The following DAB1 variants were observed in gnomAD, a reference collection of about 807,000 sequenced individuals.
DAB1 encodes DAB adaptor protein 1, also known as disabled homolog 1.
In DAB1, 15 loss-of-function variants were observed where a neutral mutation model predicts 64.6. The ratio of observed to expected loss-of-function variants is 0.23; its 90% CI spans 0.16 to 0.36. The LOEUF is 0.36. DAB1 is among the 10% of genes least tolerant of loss of function. The pLI is 1.00. For missense variants in DAB1, 596 were observed against 706.7 expected (o/e 0.84, Z 1.78); for synonymous variants, 235 against 251.9 (o/e 0.93, Z 0.64).
chr1:58,509,424 A>G (rs897098398), intron 2 of DAB1, among the ~76,000 whole-genome samples: 2 of 151,514 alleles, frequency 1.3e-5, no homozygotes, highest in Non-Finnish European at 2.9e-5. Flanking sequence ...AAAAAAAACC[A>G]AAAAGAAAAT....
intron 1 of DAB1, among the ~76,000 whole-genome samples, chr1:57,320,574 A>G (rs1345004227): frequency 2.0e-5 from 3 of 152,176 alleles, no homozygotes; most frequent in Non-Finnish European, 4.4e-5. Context: ...CAATGCATGG[A>G]TCTCTTGCTC....
At chr1:57,800,206 A>G (rs1212145724) in intron 6 of DAB1, among the ~76,000 whole-genome samples, 1 of 152,176 alleles carries the variant, frequency 6.6e-6, no homozygotes, top group Non-Finnish European at 1.5e-5. Flanking sequence ...GACCTTGATC[A>G]CTATGCATAC....
intron 6 of DAB1, among the ~76,000 whole-genome samples, chr1:57,738,116 T>A (rs779646588): frequency 1.4e-4 from 21 of 152,180 alleles, no homozygotes; most frequent in Admixed American, 2.6e-4. Context: ...CTGAACTGTG[T>A]TTAAATCCTG....
intron 1 of DAB1, chr1:58,533,988 C>T (rs1289398070): frequency 1.1e-6 from 1 of 870,950 alleles, no homozygotes; most frequent in Non-Finnish European, 2.0e-6. Flanking sequence ...ATTTCATGGC[C>T]CAGAAGGAAA....
chr1:58,129,915 GA>G (rs1232381625), intron 5 of DAB1, among the ~76,000 whole-genome samples: 3 of 144,268 alleles, frequency 2.1e-5, no homozygotes, highest in Non-Finnish European at 4.6e-5. Flanking sequence ...GTGTGGTGCT[GA>G]AAAAAATGTA....
chr1:58,224,961 C>A (rs535250887), intron 4 of DAB1, among the ~76,000 whole-genome samples: 1 of 151,200 alleles, frequency 6.6e-6, no homozygotes, highest in Non-Finnish European at 1.5e-5. Flanking sequence ...ATTGACAAAT[C>A]GGATCTAATT....
chr1:57,572,649 C>T (rs1171540153), intron 7 of DAB1, among the ~76,000 whole-genome samples: 1 of 152,062 alleles, frequency 6.6e-6, no homozygotes, highest in Non-Finnish European at 1.5e-5. Flanking sequence ...GGAGTTTTTA[C>T]ATAATTGTAT....
intron 5 of DAB1, among the ~76,000 whole-genome samples, chr1:57,968,706 A>T (rs1190972560): frequency 6.6e-6 from 1 of 152,192 alleles, no homozygotes; most frequent in Non-Finnish European, 1.5e-5. Context: ...GGGTTAGAAC[A>T]TAGCTACTAT....
rs542017948 is a variant in DAB1 at position 57,663,359 on chromosome 1, A to G, written n.552-13694T>C. Reference sequence around the variant, plus strand: ...TTTGACGTGAGATTTTGGCGGGGACACAAACCCAAACCACATCAGGTGGGT... The same window carrying G: ...TTTGACGTGAGATTTTGGCGGGGACGCAAACCCAAACCACATCAGGTGGGT... On this transcript the variant is annotated intron_variant and non_coding_transcript_variant, in intron 6 of 20. Transcript: ENST00000485760. Among the ~76,000 whole-genome samples, 3 of 152,322 alleles carry G rather than the reference A, an allele frequency of 2.0e-5. No individual in the cohort carries two copies. In the South Asian group the frequency reaches 6.2e-4, roughly 32 times the overall value.
chr1:57,151,854 C>A (rs1392627207), intron 2 of DAB1, among the ~76,000 whole-genome samples: 1 of 133,892 alleles, frequency 7.5e-6, no homozygotes, highest in Non-Finnish European at 1.5e-5. Flanking sequence ...CGCTCTATTG[C>A]CCAGGCTGGA....
At chr1:57,039,628 C>T (rs973961327) in intron 9 of DAB1, among the ~76,000 whole-genome samples, 1 of 152,208 alleles carries the variant, frequency 6.6e-6, no homozygotes, top group Admixed American at 6.5e-5. Context: ...CCCACCCTTT[C>T]TCCTTCCCAC....
chr1:57,978,053 G>A (rs1291561773), intron 5 of DAB1, among the ~76,000 whole-genome samples: 3 of 152,002 alleles, frequency 2.0e-5, no homozygotes, highest in African/African-American at 7.2e-5. Flanking sequence ...TCACAGAATT[G>A]CAAAAAAATT....
intron 4 of DAB1, among the ~76,000 whole-genome samples, chr1:57,110,426 C>T (rs1655552337): frequency 6.6e-6 from 1 of 152,210 alleles, no homozygotes; most frequent in Admixed American, 6.5e-5. Context: ...AACTCTTTAA[C>T]ATCTGTTGGC....
At chr1:57,070,072 C>T (rs1008581336) in intron 7 of DAB1, among the ~76,000 whole-genome samples, 1 of 152,192 alleles carries the variant, frequency 6.6e-6, no homozygotes, top group Admixed American at 6.5e-5. Context: ...AAAGCAAGAG[C>T]ACGTCATTAC....
At chr1:58,250,573 C>T (rs947087718) in intron 4 of DAB1, among the ~76,000 whole-genome samples, 4 of 152,226 alleles carry the variant, frequency 2.6e-5, no homozygotes, top group Non-Finnish European at 5.9e-5. Flanking sequence ...ATAGGGGAGC[C>T]CCTCAGCATT....
chr1:57,491,232 T>C lies in DAB1; in HGVS notation n.625+158360A>G, dbSNP rs558396350. Among the ~76,000 whole-genome samples, 37 of 152,194 alleles carry C rather than the reference T, an allele frequency of 2.4e-4. No individual in the cohort carries two copies. In the Middle Eastern group the frequency reaches 0.01, roughly 42 times the overall value. On this transcript the variant is annotated intron_variant and non_coding_transcript_variant, in intron 7 of 20. Coordinates refer to the DAB1 transcript ENST00000485760. ...TCATGAGTTCAGGAGATGGAGACCT[T>C]CCTGGCTAACACACTGAAACCCTGT...
chr1:57,709,400 C>T (rs370955335), intron 6 of DAB1, among the ~76,000 whole-genome samples: 25 of 151,990 alleles, frequency 1.6e-4, no homozygotes, highest in Non-Finnish European at 3.7e-4. Flanking sequence ...TTCCAATTCC[C>T]ATTTATGATT....
chr1:57,589,394 T>C (rs1024248290), intron 7 of DAB1, among the ~76,000 whole-genome samples: 6 of 152,126 alleles, frequency 3.9e-5, no homozygotes, highest in African/African-American at 1.4e-4. Flanking sequence ...ATATCTTTGA[T>C]TTTTTTATAT....
Position 57,023,534 on chromosome 1 carries a change from AG to A in DAB1, c.891del (p.Ser298GlnfsTer35). ...AAGCTGGTGGAAGAGGGCTTACCTG[AG>A]GGTACAGCAGCAGTGCCGAAAGGTA... ...SSVPFGTAAV[P>X]SGYVAMGAVL... On this transcript the variant is annotated frameshift_variant, in exon 11 of 15. Transcript: ENST00000371236. LOFTEE classifies it high-confidence loss of function. The A allele has an allele frequency of 6.3e-7, 1 of 1,586,412 alleles. No individual in the cohort carries two copies. Among genetic ancestry groups the A allele is most frequent in the Non-Finnish European group, 8.6e-7 (1 of 1,159,250 alleles).
Sources: gnomAD v4.1 joint callset for allele counts (sites outside exome capture counted in the v4.1 genomes callset) on GRCh38, gnomAD v4.1.1 for gene constraint, MANE v1.5 for transcripts, NCBI Gene and HGNC (gene_info 2026-07-23, HGNC 2026-07-21) for gene names.